The following COL24A1 variants were observed in gnomAD, a reference collection of about 807,000 sequenced individuals.
The protein encoded by COL24A1 is collagen type XXIV alpha 1 chain.
COL24A1 carries 224 observed loss-of-function variants against 253.9 expected under a neutral mutation model. The ratio of observed to expected loss-of-function variants is 0.88; its 90% CI spans 0.79 to 0.99. The LOEUF is 0.99. Ranked by LOEUF, COL24A1 falls within the 50% of genes least tolerant of loss-of-function variation. COL24A1 has a pLI of 0.00. For missense variants in COL24A1, 2,131 were observed against 2,068.5 expected (o/e 1.03, Z -0.59); for synonymous variants, 685 against 673.7 (o/e 1.02, Z -0.26).
intron 20 of COL24A1, among the ~76,000 whole-genome samples, chr1:85,980,772 G>T (rs1332580891): frequency 6.6e-6 from 1 of 152,100 alleles, no homozygotes; most frequent in Non-Finnish European, 1.5e-5. Flanking sequence ...AGCCAGGCAT[G>T]GTGGTGGGCA....
At chr1:85,734,092 G>A (rs957098371) in intron 59 of COL24A1, among the ~76,000 whole-genome samples, 3 of 150,778 alleles carry the variant, frequency 2.0e-5, no homozygotes, top group African/African-American at 2.4e-5. Flanking sequence ...TAATAGAGAC[G>A]GGGTTTCACC....
chr1:85,986,643 A>G (rs1201618299), intron 20 of COL24A1, among the ~76,000 whole-genome samples: 1 of 151,878 alleles, frequency 6.6e-6, no homozygotes, highest in Non-Finnish European at 1.5e-5. Context: ...CTACCTCATA[A>G]TGCTGTTGTG....
intron 48 of COL24A1, 124 bp downstream of exon 48, chr1:85,786,230 T>C: frequency 1.3e-6 from 1 of 786,850 alleles, no homozygotes. Flanking sequence ...CCTAACGTGC[T>C]TTTACTATTA....
At chr1:85,815,824 T>A (rs768919698) in intron 47 of COL24A1, among the ~76,000 whole-genome samples, 27 of 152,174 alleles carry the variant, frequency 1.8e-4, no homozygotes, top group Non-Finnish European at 1.5e-5. Flanking sequence ...GTCTAATGTT[T>A]AAAGTAAAAA....
intron 7 of COL24A1, among the ~76,000 whole-genome samples, chr1:86,076,447 T>A (rs1702251647): frequency 6.6e-6 from 1 of 152,142 alleles, no homozygotes; most frequent in Non-Finnish European, 1.5e-5. Flanking sequence ...ATCAATATCA[T>A]GAAAATGGCC....
intron 18 of COL24A1, among the ~76,000 whole-genome samples, chr1:86,018,795 T>A (rs190464102): frequency 6.6e-6 from 1 of 152,304 alleles, no homozygotes. Context: ...GGATAGGGCA[T>A]AACAATTGTG....
At chr1:86,032,684 G>C (rs1698673143) in intron 13 of COL24A1, among the ~76,000 whole-genome samples, 2 of 151,932 alleles carry the variant, frequency 1.3e-5, no homozygotes, top group Admixed American at 1.3e-4. Context: ...TGGAAACAAA[G>C]GCAGAGAATA....
intron 50 of COL24A1, 107 bp downstream of exon 50, chr1:85,784,006 A>G (rs1415323032): frequency 2.6e-6 from 2 of 780,912 alleles, no homozygotes; most frequent in Non-Finnish European, 4.1e-6. Flanking sequence ...ATATGTACCA[A>G]CTGAAATTTT....
chr1:85,924,887 T>C (rs1255930799), intron 24 of COL24A1, among the ~76,000 whole-genome samples: 1 of 152,206 alleles, frequency 6.6e-6, no homozygotes, highest in African/African-American at 2.4e-5. Flanking sequence ...AAATTGTCCA[T>C]GTTTGCAGAG....
intron 53 of COL24A1, among the ~76,000 whole-genome samples, chr1:85,764,455 TACACACACACACACACACACACAC>T (rs71075861): frequency 3.6e-5 from 5 of 137,258 alleles, no homozygotes; most frequent in Admixed American, 7.5e-5. Flanking sequence ...AGGTGGAGGA[TACACACACACACACACACACACAC>T]ACACACACAC....
intron 58 of COL24A1, among the ~76,000 whole-genome samples, chr1:85,735,585 A>G (rs983991815): frequency 2.6e-5 from 4 of 152,054 alleles, no homozygotes; most frequent in African/African-American, 9.7e-5. Flanking sequence ...TCATTCACAC[A>G]GTGAATCGTC....
intron 55 of COL24A1, among the ~76,000 whole-genome samples, chr1:85,758,095 G>A (rs939609517): frequency 3.9e-5 from 6 of 152,064 alleles, no homozygotes; most frequent in South Asian, 4.1e-4. Context: ...CAAATCATTC[G>A]AGTGAAGAGC....
At chr1:85,987,140 A>G (rs1181043406) in intron 20 of COL24A1, among the ~76,000 whole-genome samples, 2 of 151,830 alleles carry the variant, frequency 1.3e-5, no homozygotes, top group Non-Finnish European at 3.0e-5. Flanking sequence ...AACGGTAATA[A>G]GCTAATAATT....
At chr1:85,833,630 G>T (rs1176197915) in intron 43 of COL24A1, among the ~76,000 whole-genome samples, 4 of 152,106 alleles carry the variant, frequency 2.6e-5, no homozygotes, top group Admixed American at 1.3e-4. Context: ...ATACCCAAAG[G>T]ATTATAAATC....
intron 57 of COL24A1, among the ~76,000 whole-genome samples, chr1:85,738,958 G>A (rs1267310315): frequency 1.3e-5 from 2 of 152,116 alleles, no homozygotes; most frequent in Non-Finnish European, 2.9e-5. Flanking sequence ...TTAAGTCTGG[G>A]GTGGGGCTTA....
intron 7 of COL24A1, among the ~76,000 whole-genome samples, chr1:86,066,510 C>T (rs1198576294): frequency 6.6e-6 from 1 of 151,922 alleles, no homozygotes; most frequent in Non-Finnish European, 1.5e-5. Context: ...TCCCAAAGTG[C>T]TGGGATTACA....
chr1:85,901,514 A>G (rs776112089), intron 28 of COL24A1, among the ~76,000 whole-genome samples: 1 of 152,148 alleles, frequency 6.6e-6, no homozygotes, highest in Non-Finnish European at 1.5e-5. Context: ...ATTTCTCATA[A>G]AACTAAAAAT....
At chr1:85,817,945 T>C (rs1279885797) in intron 46 of COL24A1, 89 bp downstream of exon 46, 6 of 1,014,342 alleles carry the variant, frequency 5.9e-6, no homozygotes, top group Non-Finnish European at 6.2e-6. Context: ...TCCAACATGA[T>C]GACACAATTG....
chr1:85,760,937 A>C (rs1666787215), intron 55 of COL24A1, among the ~76,000 whole-genome samples: 2 of 152,206 alleles, frequency 1.3e-5, no homozygotes, highest in South Asian at 4.1e-4. Context: ...GTAGTTAGAT[A>C]ATAAGCAAAC....
Sources: allele counts gnomAD v4.1 joint callset (sites outside exome capture counted in the v4.1 genomes callset), GRCh38; gene constraint gnomAD v4.1.1; transcripts MANE v1.5; gene names NCBI Gene and HGNC (gene_info 2026-07-23, HGNC 2026-07-21).